The following DUOX1 variants were observed in gnomAD, a reference collection of about 807,000 sequenced individuals.
The protein encoded by DUOX1 is NADPH thyroid oxidase 1.
In DUOX1, 134 loss-of-function variants were observed where a neutral mutation model predicts 181.8. The observed-to-expected ratio is 0.74, with a 90% CI of 0.64 to 0.85. DUOX1 has a LOEUF of 0.85. DUOX1 is among the 40% of genes least tolerant of loss of function. The probability of loss-of-function intolerance (pLI) is 0.00; values close to 1 mark genes in which losing one functional copy is unlikely to be tolerated. For missense variants in DUOX1, 1,814 were observed against 2,064.4 expected, an observed-to-expected ratio of 0.88 and a Z score of 2.35; for synonymous variants, 798 against 832.5, an observed-to-expected ratio of 0.96 and a Z score of 0.71.
chr15:45,161,413 G>A (rs1486155411), intron 29 of DUOX1, among the ~76,000 whole-genome samples: 1 of 27,078 alleles, frequency 3.7e-5, no homozygotes, highest in Admixed American at 6.4e-4. Flanking sequence ...GTGAGACTGT[G>A]TCAAAAAAAA....
chr15:45,144,168 A>T lies in DUOX1; in HGVS notation c.2069A>T (p.Asn690Ile). 6.2e-7 allele frequency: 1 copy of T among 1,614,176 alleles called. No individual in the cohort carries two copies. The highest frequency in any genetic ancestry group is 1.3e-5 in the African/African-American group (1 of 75,066). The change falls in exon 17 of 34, where the codon AAC (asparagine) becomes ATC (isoleucine). Residue 690 changes from asparagine (N) to isoleucine (I), a missense_variant. By Grantham distance (149) the Asn-to-Ile change is moderately radical. Around this residue, in one of 5 missense-constraint regions of DUOX1, gnomAD observed 1,064 missense variants for 1,152.9 expected, o/e 0.92. Transcript: ENST00000389037. ...TIQLQPPQKV[N>I]FVLSSNRGRR... The stretch of plus-strand genomic sequence containing the variant: ...CAGCTGCAGCCTCCACAGAAGGTCA[A>T]CTTCGTCCTGTCCAGCAACCGTGGA...
chr15:45,158,761 T>C (rs909772283), intron 28 of DUOX1, among the ~76,000 whole-genome samples: 11 of 149,894 alleles, frequency 7.3e-5, no homozygotes, highest in African/African-American at 2.5e-4. Flanking sequence ...GAGGGTCTTT[T>C]ATGTACTAGC....
intron 28 of DUOX1, among the ~76,000 whole-genome samples, chr15:45,159,160 G>A (rs565659603): frequency 6.6e-6 from 1 of 152,208 alleles, no homozygotes; most frequent in East Asian, 1.9e-4. Flanking sequence ...ATGGCCATAG[G>A]GCATTAGGTG....
At chr15:45,146,457 T>TGA (rs1433300333) in intron 18 of DUOX1, among the ~76,000 whole-genome samples, 2 of 152,198 alleles carry the variant, frequency 1.3e-5, no homozygotes, top group African/African-American at 4.8e-5. Context: ...CTCCCTGTGC[T>TGA]GAGACACGAA....
In DUOX1 at chr15:45,151,011, G is replaced by A. The variant is rs532881252; in HGVS notation, c.2889-112G>A. On this transcript the variant is annotated intron_variant, in intron 22 of 33. Coordinates refer to ENST00000389037, the MANE Select transcript of DUOX1 (RefSeq NM_175940.3). ...ACTGTGGGAATCCTGCTGTCCCCTT[G>A]CTGACAGCTCTGATCCTTCCTCAGC... 3.4e-6 allele frequency: 5 copies of A among 1,473,754 alleles called. No homozygotes were observed. In the South Asian group the frequency reaches 5.1e-5, roughly 15 times the overall value. 91.3% of individuals were successfully genotyped at this position (1,473,754 alleles called of 1,614,324 possible).
chr15:45,142,139 G>A, intron 15 of DUOX1, 27 bp downstream of exon 15: 2 of 1,605,022 alleles, frequency 1.2e-6, no homozygotes, highest in African/African-American at 1.3e-5. Context: ...AGTGGGGTGG[G>A]GTGAGAGATG....
At chr15:45,140,007 C>T in intron 12 of DUOX1, 1 of 1,235,476 alleles carries the variant, frequency 8.1e-7, no homozygotes, top group South Asian at 1.2e-5. Flanking sequence ...ACTGGTGGCC[C>T]AGGCCAAGGT....
chr15:45,131,990 A>C lies in DUOX1; in HGVS notation c.24A>C (p.Ala8=). Reference sequence around the variant, plus strand: ...TCATGGGCTTCTGCCTGGCTCTAGCATGGACACTTCTGGTTGGGGCATGGA... The same window carrying C: ...TCATGGGCTTCTGCCTGGCTCTAGCCTGGACACTTCTGGTTGGGGCATGGA... MGFCLAL[A]WTLLVGAWTP... The change falls in exon 2 of 34, where the codon GCA becomes GCC. Residue 8 remains alanine (A), a synonymous_variant. Transcript: ENST00000389037. 1 of 1,613,988 alleles carries C rather than the reference A, an allele frequency of 6.2e-7. No homozygotes were observed. The highest frequency in any genetic ancestry group is 8.5e-7 in the Non-Finnish European group (1 of 1,179,978).
Position 45,165,252 on chromosome 15 carries a change from T to G in DUOX1, c.*351T>G. The G allele has an allele frequency of 3.6e-6, 1 of 280,680 alleles. No homozygotes were observed. The allele number at this position is 280,680 out of a possible 1,614,324, so 17.4% of individuals were successfully genotyped here. A position where few individuals can be genotyped will look rare whatever the true frequency, so the allele number is the denominator to read the frequency against. On this transcript the variant is annotated 3_prime_UTR_variant, in exon 34 of 34. Transcript: ENST00000389037. ...ATGTGTGTGCATGTCTGTATGTGTG[T>G]TGGGGCGGTGAGTGTAAGGATGCAG...
Position 45,152,406 on chromosome 15 carries a change from G to A in DUOX1, c.3314G>A (p.Cys1105Tyr), listed in dbSNP as rs773680988. The change falls in exon 25 of 34, where the codon TGC becomes TAC. Residue 1105 changes from cysteine (C) to tyrosine (Y), a missense_variant. Transcript: ENST00000389037. Reference sequence around the variant, plus strand: ...TTCTCCTACATCTTGCTCACCATGTGCCGCAACCTCATCACCTTCCTGCGA... The same window carrying A: ...TTCTCCTACATCTTGCTCACCATGTACCGCAACCTCATCACCTTCCTGCGA... ...FMFSYILLTM[C>Y]RNLITFLRET... is the part of the protein sequence containing the mutation. 7.4e-6 allele frequency: 12 copies of A among 1,614,084 alleles called. No individual in the cohort carries two copies. The highest frequency in any genetic ancestry group is 1.6e-4 in the Middle Eastern group (1 of 6,084).
intron 2 of DUOX1, among the ~76,000 whole-genome samples, chr15:45,132,854 C>G (rs1405467106): frequency 6.6e-6 from 1 of 152,168 alleles, no homozygotes; most frequent in Non-Finnish European, 1.5e-5. Flanking sequence ...CTTTATGTGC[C>G]ACAGGTTCAT....
Position 45,144,963 on chromosome 15 carries a change from G to C in DUOX1, c.2205G>C (p.Glu735Asp). 6.2e-7 allele frequency: 1 copy of C among 1,614,138 alleles called. No individual in the cohort carries two copies. Among genetic ancestry groups the C allele is most frequent in the Non-Finnish European group, 8.5e-7 (1 of 1,180,014 alleles). The change falls in exon 18 of 34, where the codon GAG (glutamate) becomes GAC (aspartate). Residue 735 changes from glutamate to aspartate, a missense_variant. Physicochemically the swap from Glu to Asp is conservative, Grantham distance 45 (BLOSUM62 2). Transcript: ENST00000389037. ...AAAATCTCCGGGGAGCTCTGAAGGAGAGCGGGTTGAGCATCCAGGAGTGGG... is the reference window on the plus strand; with the variant it reads ...AAAATCTCCGGGGAGCTCTGAAGGACAGCGGGTTGAGCATCCAGGAGTGGG... ...LVENLRGALKESGLSIQEWEL... is the reference protein window; with the variant it reads ...LVENLRGALKDSGLSIQEWEL...
intron 25 of DUOX1, chr15:45,152,947 G>C: frequency 3.2e-6 from 1 of 315,576 alleles, no homozygotes; most frequent in East Asian, 8.2e-5. Flanking sequence ...CCAGGCCGGC[G>C]CGGCGGCTTA....
rs774044093 is a variant in DUOX1, at chr15:45,139,149, G to A, written c.1197G>A (p.Val399=). ...AGATCGCAGAGCGAGAGGACCATGT[G>A]TTGGTTGAAGATGTGCGGGGTGAGT... ...ASQIAEREDH[V]LVEDVRDFWP... is the part of the protein sequence containing the mutation. Residue 399 remains valine, a synonymous_variant, in exon 11 of 34, where the codon GTG becomes GTA. Coordinates refer to ENST00000389037, the MANE Select transcript of DUOX1 (RefSeq NM_175940.3). 1 of 1,614,222 alleles carries A rather than the reference G, an allele frequency of 6.2e-7. No homozygotes were observed. The highest frequency in any genetic ancestry group is 1.1e-5 in the South Asian group (1 of 91,084).
At position 45,134,254 on chromosome 15, in the gene DUOX1, G is replaced by A. The variant is rs1242563377; in HGVS notation, c.252G>A (p.Arg84=). 1 of 1,594,604 alleles carries A rather than the reference G, an allele frequency of 6.3e-7. No homozygotes were observed. The highest frequency in any genetic ancestry group is 8.5e-7 in the Non-Finnish European group (1 of 1,172,596). The change falls in exon 4 of 34, where the codon AGG becomes AGA. Residue 84 remains arginine (R), a synonymous_variant. Coordinates refer to ENST00000389037, the MANE Select transcript of DUOX1 (RefSeq NM_175940.3). The part of the protein sequence containing the change: ...NPRDLSNTIS[R]GPAGLASLRN... ...GAGACCTTAGCAACACCATCTCAAGGGGCCCTGCAGGGCTGGCCTCCCTGA... is the reference window on the plus strand; with the variant it reads ...GAGACCTTAGCAACACCATCTCAAGAGGCCCTGCAGGGCTGGCCTCCCTGA...
chr15:45,161,848 C>T lies in DUOX1; in HGVS notation c.3967C>T (p.Leu1323=). The T allele has an allele frequency of 6.2e-7, 1 of 1,614,084 alleles. No individual in the cohort carries two copies. The highest frequency in any genetic ancestry group is 1.1e-5 in the South Asian group (1 of 91,060). The change falls in exon 30 of 34, where the codon CTG becomes TTG. Residue 1323 remains leucine (L), a synonymous_variant. Coordinates refer to ENST00000389037, the MANE Select transcript of DUOX1 (RefSeq NM_175940.3). ...LGTTEYHPFT[L]TSAPHEDTLS... is the part of the protein sequence containing the mutation. ...GACCACCGAGTACCACCCCTTCACACTGACCTCTGCGCCCCATGAGGACAC... is the reference window on the plus strand; with the variant it reads ...GACCACCGAGTACCACCCCTTCACATTGACCTCTGCGCCCCATGAGGACAC...
chr15:45,148,366 G>C lies in DUOX1; in HGVS notation c.2737G>C (p.Glu913Gln). Residue 913 changes from glutamate to glutamine, a missense_variant, in exon 21 of 34, where the codon GAG (glutamate) becomes CAG (glutamine). By Grantham distance (29) the Glu-to-Gln change is conservative. This residue lies in a region of DUOX1 where 1,064 missense variants were observed against 1,152.9 expected (regional missense o/e 0.92). Transcript: ENST00000389037. ...CCGGGAGTCGGGATTCCAGGACAAG[G>C]AGGAACTGACATGGGAAGATTTTCA... is the stretch of plus-strand genomic sequence containing the variant. ...MFRESGFQDK[E>Q]ELTWEDFHFM... 1 of 1,614,222 alleles carries C rather than the reference G, an allele frequency of 6.2e-7. No homozygotes were observed. The highest frequency in any genetic ancestry group is 8.5e-7 in the Non-Finnish European group (1 of 1,180,038).
intron 29 of DUOX1, among the ~76,000 whole-genome samples, chr15:45,161,467 A>AGGGC (rs1897101677): frequency 6.9e-6 from 1 of 144,644 alleles, no homozygotes; most frequent in Non-Finnish European, 1.5e-5. Flanking sequence ...GGAGGGAGGA[A>AGGGC]GGAAGGAAGG....
chr15:45,144,420 G>A (rs1896596125), intron 17 of DUOX1, among the ~76,000 whole-genome samples, 185 bp downstream of exon 17: 1 of 152,222 alleles, frequency 6.6e-6, no homozygotes, highest in Non-Finnish European at 1.5e-5. Context: ...CCTGCTCCGG[G>A]TCTGCTGGAT....
Sources: allele counts gnomAD v4.1 joint callset (sites outside exome capture counted in the v4.1 genomes callset), GRCh38; gene constraint gnomAD v4.1.1; regional missense constraint gnomAD v4.1.1; transcripts MANE v1.5; gene names NCBI Gene and HGNC (gene_info 2026-07-23, HGNC 2026-07-21).